The following ANKRD30A variants were observed in gnomAD, a reference collection of about 807,000 sequenced individuals.
ANKRD30A encodes ankyrin repeat domain-containing protein 30A.
A neutral mutation model predicts 166.3 loss-of-function variants in ANKRD30A; 170 were observed. The ratio of observed to expected loss-of-function variants is 1.02; its 90% CI spans 0.90 to 1.16. The LOEUF (loss-of-function observed/expected upper bound fraction) is 1.16. ANKRD30A is among the 50% of genes most tolerant of loss of function. The probability of loss-of-function intolerance (pLI) is 0.00; values close to 1 mark genes in which losing one functional copy is unlikely to be tolerated. For missense variants in ANKRD30A, 1,630 were observed against 1,518.0 expected, an observed-to-expected ratio of 1.07 and a Z score of -1.23; for synonymous variants, 564 against 508.9, an observed-to-expected ratio of 1.11 and a Z score of -1.46.
In ANKRD30A at chr10:37,152,052, T is replaced by A. The variant is rs1837979676; in HGVS notation, c.1646-8T>A. On this transcript the variant is annotated splice_polypyrimidine_tract_variant and splice_region_variant and intron_variant, in intron 11 of 35. Coordinates refer to ENST00000361713, the MANE Select transcript of ANKRD30A (RefSeq NM_052997.3). ...GTCATGAATGTTTCTGTGATTAACC[T>A]TTTATAGATCCGATGTTCCCACCAG... The A allele has an allele frequency of 6.2e-7, 1 of 1,604,008 alleles. No individual in the cohort carries two copies. Among genetic ancestry groups the A allele is most frequent in the Non-Finnish European group, 8.5e-7 (1 of 1,173,974 alleles).
rs781775542 is a variant in ANKRD30A at position 37,141,772 on chromosome 10, C to A, written c.875C>A (p.Pro292His). ...DEAAPLAERT[P>H]DTAESLVEKT... ...GCTGCACCCTTGGCGGAAAGAACAC[C>A]TGACACAGCTGAAAGCTTGGTGGAA... is the stretch of plus-strand genomic sequence containing the variant. The change falls in exon 7 of 36, where the codon CCT becomes CAT. Residue 292 changes from proline to histidine, a missense_variant. By Grantham distance (77) the Pro-to-His change is moderately conservative. Coordinates refer to ENST00000361713, the MANE Select transcript of ANKRD30A (RefSeq NM_052997.3). 6.2e-7 allele frequency: 1 copy of A among 1,612,188 alleles called. No individual in the cohort carries two copies. Among genetic ancestry groups the A allele is most frequent in the Admixed American group, 1.7e-5 (1 of 59,948 alleles).
intron 31 of ANKRD30A, among the ~76,000 whole-genome samples, chr10:37,205,999 G>A (rs1841968127): frequency 6.6e-6 from 1 of 152,130 alleles, no homozygotes; most frequent in African/African-American, 2.4e-5. Flanking sequence ...TTATATCTGA[G>A]TATGTTTTTA....
intron 31 of ANKRD30A, among the ~76,000 whole-genome samples, chr10:37,207,052 T>C (rs542659061): frequency 6.6e-6 from 1 of 152,054 alleles, no homozygotes. Context: ...CCCTCTTACA[T>C]GAGGGGATCA....
At chr10:37,212,001 G>T (rs1398260599) in intron 31 of ANKRD30A, among the ~76,000 whole-genome samples, 3 of 151,760 alleles carry the variant, frequency 2.0e-5, no homozygotes, top group African/African-American at 7.3e-5. Context: ...TCAACATAGT[G>T]TTGGAAGTTC....
chr10:37,250,842 A>C, the ANKRD30A span, among the ~76,000 whole-genome samples: 1 of 152,182 alleles, frequency 6.6e-6, no homozygotes, highest in Non-Finnish European at 1.5e-5. Context: ...TAAACCATGC[A>C]GTTTATAGTA....
chr10:37,193,374 G>T, intron 27 of ANKRD30A, 116 bp downstream of exon 27: 3 of 1,277,824 alleles, frequency 2.3e-6, no homozygotes, highest in Non-Finnish European at 3.2e-6. Flanking sequence ...GGGAAATTTC[G>T]ATACAAATAA....
rs562184589 is a variant in ANKRD30A, at chr10:37,197,306, C to T, written c.2640C>T (p.Phe880=). 79 of 1,613,214 alleles carry T rather than the reference C, an allele frequency of 4.9e-5. No homozygotes were observed. Among genetic ancestry groups the T allele is most frequent in the Middle Eastern group, 1.7e-4 (1 of 5,758 alleles). Residue 880 remains phenylalanine (F), a synonymous_variant, in exon 28 of 36, where the codon TTC becomes TTT. Coordinates refer to ENST00000361713, the MANE Select transcript of ANKRD30A (RefSeq NM_052997.3). ...AGCCTCCCGAGAAGCCATCTGCCTT[C>T]GAGGTATTTAGTTTTATGATTTCAT... ...KAEPPEKPSA[F]EPAIEMQKSV... is the part of the protein sequence containing the mutation.
chr10:37,257,411 T>C, the ANKRD30A span, among the ~76,000 whole-genome samples: 1 of 152,080 alleles, frequency 6.6e-6, no homozygotes. Flanking sequence ...AGTTCTACTC[T>C]GTTCTTTGTT....
intron 5 of ANKRD30A, chr10:37,135,094 CAA>C (rs930937187): frequency 1.3e-5 from 2 of 152,134 alleles, no homozygotes; most frequent in African/African-American, 4.8e-5. Context: ...ATCTCTATCT[CAA>C]GTTTTTAAAA....
chr10:37,248,216 G>C, the ANKRD30A span: 1 of 630,048 alleles, frequency 1.6e-6, no homozygotes, highest in South Asian at 1.4e-5. Flanking sequence ...AAATCACCCA[G>C]AATGCCAAAG....
downstream of ANKRD30A, among the ~76,000 whole-genome samples, chr10:37,235,385 C>G (rs1424204975): frequency 6.6e-6 from 1 of 152,182 alleles, no homozygotes; most frequent in African/African-American, 2.4e-5. Context: ...TAATTGCCTT[C>G]AGACATTAAA....
chr10:37,162,909 C>G (rs1162583970), intron 17 of ANKRD30A, 61 bp downstream of exon 17: 17 of 1,568,920 alleles, frequency 1.1e-5, no homozygotes, highest in African/African-American at 1.4e-5. Context: ...TTTTGATGGT[C>G]TTTCTGTACC....
intron 34 of ANKRD30A, among the ~76,000 whole-genome samples, chr10:37,229,893 T>A (rs1184105186): frequency 1.3e-5 from 2 of 151,966 alleles, no homozygotes; most frequent in Non-Finnish European, 2.9e-5. Flanking sequence ...AATAATCACA[T>A]TAGGGTAAAT....
rs1320041860 is a variant in ANKRD30A at position 37,158,379 on chromosome 10, C to G, written c.1799-13C>G. ...TTGCATATAATCAATTATGTATGTC[C>G]CTTTTCTTATAGAGTCTCCTAATAA... On this transcript the variant is annotated splice_polypyrimidine_tract_variant and intron_variant, in intron 13 of 35. Coordinates refer to ENST00000361713, the MANE Select transcript of ANKRD30A (RefSeq NM_052997.3). The G allele has an allele frequency of 1.2e-6, 2 of 1,606,252 alleles. No homozygotes were observed. The highest frequency in any genetic ancestry group is 4.5e-5 in the East Asian group (2 of 44,766).
rs1365603985 is a variant in ANKRD30A at position 37,149,838 on chromosome 10, C to T, written c.1634C>T (p.Thr545Ile). 1 of 1,612,416 alleles carries T rather than the reference C, an allele frequency of 6.2e-7. No individual in the cohort carries two copies. Among genetic ancestry groups the T allele is most frequent in the Non-Finnish European group, 8.5e-7 (1 of 1,179,002 alleles). The change falls in exon 11 of 36, where the codon ACA becomes ATA. Residue 545 changes from threonine (T) to isoleucine (I), a missense_variant. By Grantham distance (89) the Thr-to-Ile change is moderately conservative. Around this residue, in one of 4 missense-constraint regions of ANKRD30A, gnomAD observed 904 missense variants for 818.5 expected, o/e 1.10. Coordinates refer to ENST00000361713, the MANE Select transcript of ANKRD30A (RefSeq NM_052997.3). ...GCCTTTGAATTGAAGAATGAACAAA[C>T]ATTGAGAGCAGGTAAATTTTTCAAT... ...NKAFELKNEQ[T>I]LRADPMFPPE... is the part of the protein sequence containing the mutation.
chr10:37,246,923 A>C, the ANKRD30A span, among the ~76,000 whole-genome samples: 3 of 152,176 alleles, frequency 2.0e-5, no homozygotes, highest in Non-Finnish European at 4.4e-5. Context: ...TGTTTAAGTT[A>C]ATAAATGTGC....
chr10:37,193,299 A>G (rs1049127773), intron 27 of ANKRD30A, 41 bp downstream of exon 27: 2 of 1,576,276 alleles, frequency 1.3e-6, no homozygotes, highest in African/African-American at 2.7e-5. Flanking sequence ...AAAGAAGAAT[A>G]TTAAAATATT....
chr10:37,251,626 A>AT, the ANKRD30A span, among the ~76,000 whole-genome samples: 1 of 152,108 alleles, frequency 6.6e-6, no homozygotes, highest in African/African-American at 2.4e-5. Context: ...AATCTTACCA[A>AT]TTTTCTCCGC....
At chr10:37,197,783 A>G (rs1450515508) in intron 29 of ANKRD30A, among the ~76,000 whole-genome samples, 4 of 152,056 alleles carry the variant, frequency 2.6e-5, no homozygotes, top group Non-Finnish European at 5.9e-5. Flanking sequence ...TGAAACTCCA[A>G]TTTCTTTTTT....
Sources: allele counts gnomAD v4.1 joint callset (sites outside exome capture counted in the v4.1 genomes callset), GRCh38; gene constraint gnomAD v4.1.1; regional missense constraint gnomAD v4.1.1; transcripts MANE v1.5; gene names NCBI Gene and HGNC (gene_info 2026-07-23, HGNC 2026-07-21).